EHBP1: variants seen among roughly 807,000 people sequenced by gnomAD.
The protein encoded by EHBP1 is EH domain-binding protein 1.
In EHBP1, 55 loss-of-function variants were observed where a neutral mutation model predicts 144.0. The observed-to-expected ratio is 0.38, with a 90% CI of 0.31 to 0.48. EHBP1 has a LOEUF of 0.48. Ranked by LOEUF, EHBP1 falls within the 20% of genes least tolerant of loss-of-function variation. The pLI is 0.98. For synonymous variants in EHBP1, 469 were observed against 472.7 expected (o/e 0.99, Z 0.10); for missense variants, 1,200 against 1,364.2 (o/e 0.88, Z 1.90).
intron 1 of EHBP1, among the ~76,000 whole-genome samples, chr2:62,686,276 A>G (rs2033716029): frequency 1.3e-5 from 2 of 152,210 alleles, no homozygotes; most frequent in African/African-American, 2.4e-5. Flanking sequence ...TAAATAATAT[A>G]CTGCATATCA....
At chr2:62,900,642 G>A (rs1193330418) in intron 10 of EHBP1, among the ~76,000 whole-genome samples, 1 of 150,188 alleles carries the variant, frequency 6.7e-6, no homozygotes, top group Non-Finnish European at 1.5e-5. Flanking sequence ...GAAAAAGGTT[G>A]GGAGGAAGTG....
At chr2:62,771,620 T>G in intron 5 of EHBP1, 1 of 325,330 alleles carries the variant, frequency 3.1e-6, no homozygotes, top group Non-Finnish European at 5.6e-6. Flanking sequence ...TATGTATGTT[T>G]GTATGTATGC....
At chr2:62,745,548 G>A (rs2039076782) in intron 2 of EHBP1, among the ~76,000 whole-genome samples, 1 of 152,142 alleles carries the variant, frequency 6.6e-6, no homozygotes, top group African/African-American at 2.4e-5. Flanking sequence ...GTGAAGAAAT[G>A]AAGAAATATG....
intron 4 of EHBP1, among the ~76,000 whole-genome samples, chr2:62,767,486 A>C (rs1449842911): frequency 6.6e-6 from 1 of 151,484 alleles, no homozygotes; most frequent in East Asian, 1.9e-4. Flanking sequence ...CGCTTGAGCC[A>C]AGGAGTTCAA....
chr2:62,966,626 A>T (rs773319397), intron 14 of EHBP1, among the ~76,000 whole-genome samples: 3 of 152,178 alleles, frequency 2.0e-5, no homozygotes, highest in Admixed American at 2.0e-4. Flanking sequence ...ATGAAAATTC[A>T]GGCACTTATT....
At position 62,942,800 on chromosome 2, in the gene EHBP1, A is replaced by G. The variant is rs1264583794; in HGVS notation, c.1268A>G (p.Lys423Arg). 6 of 1,613,976 alleles carry G rather than the reference A, an allele frequency of 3.7e-6. No homozygotes were observed. Among genetic ancestry groups the G allele is most frequent in the Non-Finnish European group, 5.1e-6 (6 of 1,179,868 alleles). The part of the protein sequence containing the change: ...SLLVWCKEVT[K>R]NYRGVKITNF... ...CTTGTATGGTGTAAAGAAGTTACAAAGAACTACCGAGGAGTAAAAATCACC... is the reference window on the plus strand; with the variant it reads ...CTTGTATGGTGTAAAGAAGTTACAAGGAACTACCGAGGAGTAAAAATCACC... Residue 423 changes from lysine (K) to arginine (R), a missense_variant, in exon 11 of 23, where the codon AAG becomes AGG. This residue lies in a region of EHBP1 where 94 missense variants were observed against 143.0 expected (regional missense o/e 0.66). Coordinates refer to ENST00000431489, the MANE Select transcript of EHBP1 (RefSeq NM_001142616.3).
chr2:62,759,659 C>T (rs2040602241), intron 3 of EHBP1, among the ~76,000 whole-genome samples: 1 of 152,118 alleles, frequency 6.6e-6, no homozygotes, highest in South Asian at 2.1e-4. Flanking sequence ...CTGCCTCAGC[C>T]TCTCAAAGTG....
chr2:62,750,692 C>G (rs1297802502), intron 3 of EHBP1, among the ~76,000 whole-genome samples: 1 of 152,156 alleles, frequency 6.6e-6, no homozygotes, highest in Non-Finnish European at 1.5e-5. Flanking sequence ...TTGAAGAAGT[C>G]CTTCACATCC....
chr2:62,839,633 C>A (rs1235688978), intron 7 of EHBP1, among the ~76,000 whole-genome samples: 3 of 149,430 alleles, frequency 2.0e-5, no homozygotes, highest in African/African-American at 7.4e-5. Context: ...TGATAAGCAA[C>A]TTCAGCAAAG....
At chr2:62,853,146 C>T (rs969909265) in intron 7 of EHBP1, among the ~76,000 whole-genome samples, 2 of 152,120 alleles carry the variant, frequency 1.3e-5, no homozygotes, top group African/African-American at 4.8e-5. Flanking sequence ...TATTTTCATA[C>T]CTGCATTCCT....
chr2:62,903,183 TAAAG>T lies in EHBP1; in HGVS notation c.1185+28654_1185+28657del, dbSNP rs1166838256. Among the ~76,000 whole-genome samples the T allele has an allele frequency of 2.6e-5, 4 of 152,178 alleles. No homozygotes were observed. The South Asian group carries it at 6.2e-4, about 24-fold the overall frequency. ...TAGTGGGCAAATTTATGAGGAAAAA[TAAAG>T]AATGAAATTGTTATGTCTATTCACT... On this transcript the variant is annotated intron_variant, in intron 10 of 22. Coordinates refer to ENST00000431489, the MANE Select transcript of EHBP1 (RefSeq NM_001142616.3).
At chr2:62,973,322 G>A (rs2153180540) in intron 14 of EHBP1, among the ~76,000 whole-genome samples, 1 of 152,164 alleles carries the variant, frequency 6.6e-6, no homozygotes, top group East Asian at 1.9e-4. Context: ...AGTTGCCTGA[G>A]GCATATTAAA....
At chr2:62,858,985 T>A (rs1480089137) in intron 7 of EHBP1, among the ~76,000 whole-genome samples, 184 bp from the exon 8 acceptor site, 2 of 152,238 alleles carry the variant, frequency 1.3e-5, no homozygotes, top group African/African-American at 4.8e-5. Flanking sequence ...ATGTTTGTTT[T>A]GTTTTGTTTG....
chr2:62,940,472 G>A (rs925803252), intron 10 of EHBP1, among the ~76,000 whole-genome samples: 3 of 152,148 alleles, frequency 2.0e-5, no homozygotes, highest in African/African-American at 7.2e-5. Context: ...GCACTTTACA[G>A]ATGAGGAAAC....
chr2:62,946,633 A>G (rs1220569204), intron 12 of EHBP1, among the ~76,000 whole-genome samples: 2 of 152,188 alleles, frequency 1.3e-5, no homozygotes, highest in Non-Finnish European at 2.9e-5. Flanking sequence ...CTCCTTACCA[A>G]TTTAATAACA....
At chr2:62,906,510 T>G (rs1296780743) in intron 10 of EHBP1, among the ~76,000 whole-genome samples, 1 of 152,244 alleles carries the variant, frequency 6.6e-6, no homozygotes, top group African/African-American at 2.4e-5. Flanking sequence ...TATACAAGTA[T>G]TACACACCTT....
intron 14 of EHBP1, among the ~76,000 whole-genome samples, chr2:62,963,613 TC>T (rs1367484465): frequency 2.6e-5 from 4 of 152,236 alleles, no homozygotes; most frequent in African/African-American, 9.6e-5. Flanking sequence ...TTCGTATTTT[TC>T]CTAATTACAC....
At chr2:62,946,194 A>G (rs897771401) in intron 12 of EHBP1, among the ~76,000 whole-genome samples, 2 of 152,236 alleles carry the variant, frequency 1.3e-5, no homozygotes, top group South Asian at 2.1e-4. Flanking sequence ...CTCATTATAA[A>G]TGTGTAAAGA....
intron 6 of EHBP1, among the ~76,000 whole-genome samples, 187 bp from the exon 7 acceptor site, chr2:62,830,832 A>G (rs1375932590): frequency 6.6e-6 from 1 of 152,200 alleles, no homozygotes; most frequent in African/African-American, 2.4e-5. Context: ...GCTCTTTACT[A>G]ATTAAGCATG....
Sources: gnomAD v4.1 joint callset for allele counts (sites outside exome capture counted in the v4.1 genomes callset) on GRCh38, gnomAD v4.1.1 for gene constraint, gnomAD v4.1.1 regional missense constraint, MANE v1.5 for transcripts, NCBI Gene and HGNC (gene_info 2026-07-23, HGNC 2026-07-21) for gene names.